PM20D2: variants seen among roughly 807,000 people sequenced by gnomAD.
PM20D2 encodes the protein peptidase M20 domain containing 2, also known as xaa-Arg dipeptidase.
Under a neutral mutation model 42.9 loss-of-function variants are expected in PM20D2, and 33 were observed. The ratio of observed to expected loss-of-function variants is 0.77; its 90% CI spans 0.58 to 1.03. PM20D2 has a LOEUF of 1.03. Among genes scored for constraint, PM20D2 ranks in the 50% least tolerant of loss-of-function variants. The probability of loss-of-function intolerance (pLI) is 0.00; values close to 1 mark genes in which losing one functional copy is unlikely to be tolerated. For synonymous variants in PM20D2, 250 were observed against 228.2 expected (o/e 1.10, Z -0.86); for missense variants, 548 against 557.0 (o/e 0.98, Z 0.16).
the PM20D2 span, among the ~76,000 whole-genome samples, chr6:89,109,280 T>G: frequency 6.6e-6 from 1 of 152,250 alleles, no homozygotes; most frequent in African/African-American, 2.4e-5. Flanking sequence ...CAGGCAATTC[T>G]GAGACTGAAG....
At chr6:89,110,258 A>C in the PM20D2 span, among the ~76,000 whole-genome samples, 3 of 152,200 alleles carry the variant, frequency 2.0e-5, no homozygotes, top group African/African-American at 7.2e-5. Context: ...AGCAATGAAA[A>C]AATGAAGCAA....
intron 3 of PM20D2, among the ~76,000 whole-genome samples, chr6:89,154,234 T>C (rs1338606774): frequency 6.6e-6 from 1 of 152,200 alleles, no homozygotes; most frequent in Non-Finnish European, 1.5e-5. Context: ...TAATTCCAAA[T>C]AAATACATTT....
upstream of PM20D2, chr6:89,145,989 G>A (rs922577026): frequency 4.6e-4 from 259 of 564,940 alleles, 3 homozygotes; most frequent in African/African-American, 4.7e-3. Context: ...CGGCGCCGGG[G>A]GCGGCCCCGG....
chr6:89,112,858 C>G, the PM20D2 span, among the ~76,000 whole-genome samples: 2 of 152,012 alleles, frequency 1.3e-5, no homozygotes, highest in African/African-American at 4.8e-5. Flanking sequence ...GACAGGTGTA[C>G]CTTTTAAAAA....
the PM20D2 span, among the ~76,000 whole-genome samples, chr6:89,107,964 TCA>T: frequency 6.6e-6 from 1 of 152,238 alleles, no homozygotes; most frequent in Non-Finnish European, 1.5e-5. Flanking sequence ...TCATTTTGCT[TCA>T]CTTTAATTTC....
At chr6:89,148,659 CTT>C in intron 1 of PM20D2, 1 of 744,004 alleles carries the variant, frequency 1.3e-6, no homozygotes. Flanking sequence ...TGAGTTCAGA[CTT>C]TTAAAATAGG....
chr6:89,119,729 C>T, the PM20D2 span, among the ~76,000 whole-genome samples: 31 of 152,216 alleles, frequency 2.0e-4, no homozygotes, highest in Admixed American at 4.6e-4. Flanking sequence ...TTTGGTGGCC[C>T]CACACATGTT....
At chr6:89,115,940 T>A in the PM20D2 span, among the ~76,000 whole-genome samples, 1 of 151,892 alleles carries the variant, frequency 6.6e-6, no homozygotes, top group Non-Finnish European at 1.5e-5. Context: ...CGGCCACGAA[T>A]GGGATTTTCA....
chr6:89,142,498 T>C (rs1434195752), upstream of PM20D2, among the ~76,000 whole-genome samples: 1 of 152,204 alleles, frequency 6.6e-6, no homozygotes, highest in Non-Finnish European at 1.5e-5. Flanking sequence ...GTTCCAAGTA[T>C]TGTTAAACTG....
chr6:89,098,400 C>T, the PM20D2 span: 15 of 659,594 alleles, frequency 2.3e-5, no homozygotes, highest in African/African-American at 2.6e-4. Flanking sequence ...GTAGTGTGGG[C>T]CCTTTAAATG....
chr6:89,094,159 G>A, the PM20D2 span, among the ~76,000 whole-genome samples: 1 of 151,940 alleles, frequency 6.6e-6, no homozygotes, highest in Admixed American at 6.6e-5. Flanking sequence ...GACCTCAAGC[G>A]ATCTGCTCGC....
upstream of PM20D2, among the ~76,000 whole-genome samples, chr6:89,145,470 T>G (rs1299157987): frequency 6.6e-6 from 1 of 152,242 alleles, no homozygotes; most frequent in Non-Finnish European, 1.5e-5. Context: ...TCTACTCTAT[T>G]CAAATAAATT....
At chr6:89,110,186 T>TC in the PM20D2 span, among the ~76,000 whole-genome samples, 17 of 152,172 alleles carry the variant, frequency 1.1e-4, no homozygotes, top group Non-Finnish European at 2.1e-4. Context: ...CAATGGAGGG[T>TC]CTTGCCTATG....
the PM20D2 span, chr6:89,117,754 C>A: frequency 1.3e-3 from 1,853 of 1,460,482 alleles, 46 homozygotes; most frequent in East Asian, 0.049. Context: ...GGGCCTCGGC[C>A]GTGCTCCGCG....
intron 5 of PM20D2, among the ~76,000 whole-genome samples, 160 bp downstream of exon 5, chr6:89,158,620 C>G: frequency 6.6e-6 from 1 of 152,130 alleles, no homozygotes; most frequent in East Asian, 1.9e-4. Context: ...CTAATGGACT[C>G]TTAAGTGAGT....
chr6:89,162,524 C>T lies in PM20D2; in HGVS notation c.*261C>T, dbSNP rs1370194629. ...TTTCTTTTTTTTTACCCCGCAACCA[C>T]TCACCTTCACAGTAGTGATACCATT... On this transcript the variant is annotated 3_prime_UTR_variant, in exon 7 of 7. Coordinates refer to ENST00000275072, the MANE Select transcript of PM20D2 (RefSeq NM_001010853.3). The T allele has an allele frequency of 3.4e-6, 1 of 295,142 alleles. No individual in the cohort carries two copies. The highest frequency in any genetic ancestry group is 6.3e-6 in the Non-Finnish European group (1 of 158,850). 18.3% of individuals were successfully genotyped at this position (295,142 alleles called of 1,614,324 possible).
At chr6:89,138,503 A>C in the PM20D2 span, among the ~76,000 whole-genome samples, 3 of 152,150 alleles carry the variant, frequency 2.0e-5, no homozygotes, top group African/African-American at 7.2e-5. Context: ...TTTCTAAAAA[A>C]CAAAAGATTT....
chr6:89,131,857 C>T, the PM20D2 span, among the ~76,000 whole-genome samples: 1 of 152,176 alleles, frequency 6.6e-6, no homozygotes, highest in Admixed American at 6.5e-5. Flanking sequence ...CTGTCACTGG[C>T]CTTTTAGTGG....
chr6:89,110,474 A>G, the PM20D2 span, among the ~76,000 whole-genome samples: 1 of 152,224 alleles, frequency 6.6e-6, no homozygotes, highest in Non-Finnish European at 1.5e-5. Flanking sequence ...TAGAGGCTGA[A>G]GCAAAGCTAC....
Sources: allele counts gnomAD v4.1 joint callset (sites outside exome capture counted in the v4.1 genomes callset), GRCh38; gene constraint gnomAD v4.1.1; transcripts MANE v1.5; gene names NCBI Gene and HGNC (gene_info 2026-07-23, HGNC 2026-07-21).